The following DYNC2H1 variants were observed in gnomAD, a reference collection of about 807,000 sequenced individuals.
DYNC2H1 encodes the protein dynein cytoplasmic 2 heavy chain 1, also known as cytoplasmic dynein 2 heavy chain 1.
In DYNC2H1, 410 loss-of-function variants were observed where a neutral mutation model predicts 570.0. That is an observed-to-expected ratio of 0.72 (90% CI 0.66 to 0.78). DYNC2H1 has a LOEUF of 0.78. Among genes scored for constraint, DYNC2H1 ranks in the 30% least tolerant of loss-of-function variants. The pLI, the probability that DYNC2H1 is intolerant of heterozygous loss-of-function variation, is 0.00. For synonymous variants in DYNC2H1, 1,688 were observed against 1,677.6 expected, an observed-to-expected ratio of 1.01 and a Z score of -0.15; for missense variants, 4,865 against 5,046.4, an observed-to-expected ratio of 0.96 and a Z score of 1.09.
Position 103,192,196 on chromosome 11 carries a change from T to A in DYNC2H1, c.7640T>A (p.Leu2547Ter). 6.3e-7 allele frequency: 1 copy of A among 1,589,006 alleles called. No homozygotes were observed. The highest frequency in any genetic ancestry group is 8.6e-7 in the Non-Finnish European group (1 of 1,164,680). The change falls in exon 47 of 89, where the codon TTA (leucine) becomes TAA (stop). Residue 2547 changes from leucine (L) to a stop codon, truncating the protein, a stop_gained. Coordinates refer to ENST00000375735, the MANE Select transcript of DYNC2H1 (RefSeq NM_001377.3). LOFTEE classifies it high-confidence loss of function. The stretch of plus-strand genomic sequence containing the variant: ...ATTGTTGGTGCAAAGGAACTTCATT[T>A]ATTTGACATCATTTTAACATCAGTG... ...DKIVGAKELH[L>*]FDIILTSVFQ...
intron 4 of DYNC2H1, among the ~76,000 whole-genome samples, chr11:103,115,605 C>G (rs777024913): frequency 6.6e-6 from 1 of 152,084 alleles, no homozygotes; most frequent in Non-Finnish European, 1.5e-5. Flanking sequence ...CGAGACCAGC[C>G]TGGCCAACAC....
At chr11:103,235,642 C>A (rs746964371) in intron 61 of DYNC2H1, 30 bp from the exon 62 acceptor site, 2 of 1,583,776 alleles carry the variant, frequency 1.3e-6, no homozygotes, top group East Asian at 4.5e-5. Flanking sequence ...ACTCATATAT[C>A]TCCCTCTTTC....
chr11:103,192,300 T>C, intron 47 of DYNC2H1, 36 bp downstream of exon 47: 1 of 1,389,704 alleles, frequency 7.2e-7, no homozygotes, highest in Non-Finnish European at 9.5e-7. Context: ...ACATAACTAT[T>C]ACAAGGATTT....
intron 85 of DYNC2H1, 109 bp downstream of exon 85, chr11:103,436,141 T>A (rs1944051858): frequency 1.2e-6 from 1 of 802,048 alleles, no homozygotes; most frequent in Non-Finnish European, 1.9e-6. Context: ...ATTTTGCACA[T>A]AAAACATCAT....
chr11:103,300,710 T>C (rs182479789), intron 75 of DYNC2H1, among the ~76,000 whole-genome samples: 37 of 152,086 alleles, frequency 2.4e-4, no homozygotes, highest in Admixed American at 2.0e-3. Context: ...ATTTTAAAAT[T>C]AAAAGTTATA....
intron 47 of DYNC2H1, among the ~76,000 whole-genome samples, chr11:103,193,815 T>G (rs1358514868): frequency 6.6e-6 from 1 of 152,178 alleles, no homozygotes; most frequent in Non-Finnish European, 1.5e-5. Context: ...CCCAAGGTGC[T>G]GGGATTAGCT....
chr11:103,289,474 T>C lies in DYNC2H1; in HGVS notation c.11095+1869T>C, dbSNP rs986500638. On this transcript the variant is annotated intron_variant, in intron 75 of 88. Transcript: ENST00000375735. This position sits in a 1 kb window ranked among gnomAD's most constrained non-coding sequence, Gnocchi z 4.2. Reference sequence around the variant, plus strand: ...TTCACTGTCATAATTTCCTCAGTTATAATATTTGCAAAGGTGGTTTCAGTA... The same window carrying C: ...TTCACTGTCATAATTTCCTCAGTTACAATATTTGCAAAGGTGGTTTCAGTA... Among the ~76,000 whole-genome samples the C allele has an allele frequency of 1.3e-5, 2 of 152,160 alleles. No individual in the cohort carries two copies. The highest frequency in any genetic ancestry group is 2.9e-5 in the Non-Finnish European group (2 of 68,022).
Position 103,154,710 on chromosome 11 carries a change from G to T in DYNC2H1, c.3474G>T (p.Leu1158=). Residue 1158 remains leucine (L), a synonymous_variant, in exon 24 of 89, where the codon CTG becomes CTT. Transcript: ENST00000375735. The part of the protein sequence containing the change: ...DWITFRTKTY[L]FEEFLMNWHD... ...TATTTTATAGGACTAAGACATACCT[G>T]TTTGAGGAATTTTTGATGAACTGGC... 6.4e-7 allele frequency: 1 copy of T among 1,568,256 alleles called. No homozygotes were observed. Among genetic ancestry groups the T allele is most frequent in the South Asian group, 1.2e-5 (1 of 83,688 alleles).
intron 84 of DYNC2H1, among the ~76,000 whole-genome samples, chr11:103,419,638 A>G (rs1386916383): frequency 1.3e-5 from 2 of 152,126 alleles, no homozygotes; most frequent in African/African-American, 4.8e-5. Context: ...AAGGTCAGCA[A>G]CCTCAAAGAT....
At chr11:103,416,518 C>CAAG (rs1662844229) in intron 84 of DYNC2H1, among the ~76,000 whole-genome samples, 1 of 152,114 alleles carries the variant, frequency 6.6e-6, no homozygotes, top group Non-Finnish European at 1.5e-5. Flanking sequence ...TATCTACAAC[C>CAAG]ATCTGATGTT....
In DYNC2H1 at chr11:103,252,797, A is replaced by G. The variant is rs632283; in HGVS notation, c.10043-488A>G. On this transcript the variant is annotated intron_variant, in intron 65 of 88. Coordinates refer to ENST00000375735, the MANE Select transcript of DYNC2H1 (RefSeq NM_001377.3). This position sits in a 1 kb window ranked among gnomAD's most constrained non-coding sequence, Gnocchi z 4.6. Reference sequence around the variant, plus strand: ...ATAAATAACTCCAAGTTTTTAGGTTATTCTTTCATTTTGTTGATAATGTGT... The same window carrying G: ...ATAAATAACTCCAAGTTTTTAGGTTGTTCTTTCATTTTGTTGATAATGTGT... 0.4 allele frequency among the ~76,000 whole-genome samples: 61,002 copies of G among 151,900 alleles called. 12,538 individuals are homozygous for G. Among genetic ancestry groups the G allele is most frequent in the African/African-American group, 0.47 (19,546 of 41,422 alleles).
Position 103,324,013 on chromosome 11 carries a change from C to A in DYNC2H1, c.12039+23C>A. The A allele has an allele frequency of 6.4e-7, 1 of 1,564,204 alleles. No individual in the cohort carries two copies. Among genetic ancestry groups the A allele is most frequent in the South Asian group, 1.2e-5 (1 of 80,102 alleles). Reference sequence around the variant, plus strand: ...CAGGTAACCTAAAAAAAAGATCTACCTTCAAAAAAAGTTGCTAGTGAGCCT... The same window carrying A: ...CAGGTAACCTAAAAAAAAGATCTACATTCAAAAAAAGTTGCTAGTGAGCCT... On this transcript the variant is annotated intron_variant, in intron 82 of 88. Coordinates refer to ENST00000375735, the MANE Select transcript of DYNC2H1 (RefSeq NM_001377.3). This position sits in a 1 kb window ranked among gnomAD's most constrained non-coding sequence, Gnocchi z 5.2.
At chr11:103,297,289 A>G (rs1043303317) in intron 75 of DYNC2H1, among the ~76,000 whole-genome samples, 24 of 152,132 alleles carry the variant, frequency 1.6e-4, no homozygotes, top group Non-Finnish European at 5.9e-5. Flanking sequence ...AAGTACAGTC[A>G]TGTGTTGTTA....
intron 83 of DYNC2H1, among the ~76,000 whole-genome samples, chr11:103,397,842 C>A (rs1330277778): frequency 1.3e-5 from 2 of 152,122 alleles, no homozygotes; most frequent in Non-Finnish European, 2.9e-5. Context: ...CTGCAGTAAG[C>A]CACTCCAGCC....
At position 103,461,855 on chromosome 11, in the gene DYNC2H1, C is replaced by CT. The variant is rs1419581516; in HGVS notation, c.12648+5505dup. The stretch of plus-strand genomic sequence containing the variant: ...ATTTAGAAACATTCCACCTTTTTCT[C>CT]TTTTTTCTTGCTAAAACACATTTCA... On this transcript the variant is annotated intron_variant, in intron 87 of 88. Transcript: ENST00000375735. This position sits in a 1 kb window ranked among gnomAD's most constrained non-coding sequence, Gnocchi z 4.8. Among the ~76,000 whole-genome samples the CT allele has an allele frequency of 2.6e-5, 4 of 151,854 alleles. No individual in the cohort carries two copies. The highest frequency in any genetic ancestry group is 5.9e-5 in the Non-Finnish European group (4 of 67,942).
chr11:103,122,753 G>T, intron 10 of DYNC2H1, 72 bp from the exon 11 acceptor site: 1 of 1,292,710 alleles, frequency 7.7e-7, no homozygotes, highest in African/African-American at 1.5e-5. Flanking sequence ...GATCAGAGAA[G>T]GGGACTCCTT....
intron 21 of DYNC2H1, among the ~76,000 whole-genome samples, chr11:103,152,924 A>C (rs1455120716): frequency 2.6e-5 from 4 of 152,194 alleles, no homozygotes; most frequent in Non-Finnish European, 1.5e-5. Flanking sequence ...CCTTAGCTGC[A>C]TGGGAGACTG....
chr11:103,157,951 T>C lies in DYNC2H1; in HGVS notation c.4128-726T>C, dbSNP rs188469616. ...AGAAACGTCTTCTACTCACTCACTT[T>C]TTCATTTTATTCTTCATCTGCATAT... On this transcript the variant is annotated intron_variant, in intron 26 of 88. Transcript: ENST00000375735. This position sits in a 1 kb window ranked among gnomAD's most constrained non-coding sequence, Gnocchi z 4.2. Among the ~76,000 whole-genome samples, 172 of 152,328 alleles carry C rather than the reference T, an allele frequency of 1.1e-3. 1 individual carries two copies. The highest frequency in any genetic ancestry group is 3.6e-3 in the African/African-American group (148 of 41,566).
intron 83 of DYNC2H1, among the ~76,000 whole-genome samples, chr11:103,384,206 G>A (rs1200965996): frequency 6.6e-6 from 1 of 152,158 alleles, no homozygotes; most frequent in Non-Finnish European, 1.5e-5. Flanking sequence ...TTGTTCATTT[G>A]TTTTATTTAT....
Sources: allele counts gnomAD v4.1 joint callset (sites outside exome capture counted in the v4.1 genomes callset), GRCh38; gene constraint gnomAD v4.1.1; non-coding constraint Gnocchi (gnomAD v3.1); transcripts MANE v1.5; gene names NCBI Gene and HGNC (gene_info 2026-07-23, HGNC 2026-07-21).